Variants in MADD observed in about 807,000 individuals in gnomAD.
MADD encodes the protein MAP kinase-activating death domain protein.
MADD carries 109 observed loss-of-function variants against 176.7 expected under a neutral mutation model. That is an observed-to-expected ratio of 0.62 (90% CI 0.53 to 0.72). MADD has a LOEUF of 0.72. Ranked by LOEUF, MADD falls within the 30% of genes least tolerant of loss-of-function variation. The pLI is 0.00. For missense variants in MADD, 1,914 were observed against 2,045.5 expected, an observed-to-expected ratio of 0.94 and a Z score of 1.24; for synonymous variants, 771 against 771.3, an observed-to-expected ratio of 1.00 and a Z score of 0.01.
chr11:47,280,607 C>T (rs1232571081), intron 7 of MADD, among the ~76,000 whole-genome samples: 1 of 152,100 alleles, frequency 6.6e-6, no homozygotes, highest in Non-Finnish European at 1.5e-5. Context: ...CTCTGTCACC[C>T]AGGCTGGAGT....
chr11:47,324,245 ACT>A lies in MADD; in HGVS notation c.4363-16_4363-15del, dbSNP rs1167957397. 4 of 1,611,802 alleles carry A rather than the reference ACT, an allele frequency of 2.5e-6. No individual in the cohort carries two copies. The highest frequency in any genetic ancestry group is 1.7e-5 in the Admixed American group (1 of 59,878). On this transcript the variant is annotated intron_variant, in intron 28 of 32. Coordinates refer to ENST00000402192, the Ensembl canonical transcript of MADD. ...CCTGGACAGCCCTCATGATGGGACC[ACT>A]CTCCCCCTGTGCCACAGTGTCGGGA...
intron 3 of MADD, 60 bp downstream of exon 3, chr11:47,275,219 T>G: frequency 6.9e-7 from 1 of 1,451,602 alleles, no homozygotes; most frequent in Non-Finnish European, 9.4e-7. Flanking sequence ...GTAATTGGTC[T>G]TTGAGGGGCA....
exon 4 of MADD, chr11:47,276,173 G>A (rs1176448813): frequency 1.2e-6 from 2 of 1,612,566 alleles, no homozygotes; most frequent in African/African-American, 1.3e-5. Flanking sequence ...CTGTCTCCAG[G>A]TGCTAACCTG....
At chr11:47,284,510 G>C in exon 12 of MADD, 1 of 1,614,110 alleles carries the variant, frequency 6.2e-7, no homozygotes, top group South Asian at 1.1e-5. Flanking sequence ...CTGCGCTCCA[G>C]CTCTAGCACC....
chr11:47,307,923 C>A (rs1353933821), intron 22 of MADD, among the ~76,000 whole-genome samples: 2 of 152,344 alleles, frequency 1.3e-5, no homozygotes, highest in African/African-American at 4.8e-5. Context: ...ACCACCTTGG[C>A]CTCCCAAAGT....
At chr11:47,287,389 C>CT (rs1303863929) in intron 15 of MADD, among the ~76,000 whole-genome samples, 1 of 152,072 alleles carries the variant, frequency 6.6e-6, no homozygotes. Context: ...GTTTCAGGGG[C>CT]TTTTCTGAAT....
Position 47,326,524 on chromosome 11 carries a change from A to G in MADD, c.4543-214A>G, listed in dbSNP as rs2095472383. On this transcript the variant is annotated intron_variant, in intron 30 of 32. Transcript: ENST00000402192. Reference sequence around the variant, plus strand: ...AAACTAACGCCTTCATTTCTCTCCCATGCTTTCTCCTCCGGCCAGGAGCGG... The same window carrying G: ...AAACTAACGCCTTCATTTCTCTCCCGTGCTTTCTCCTCCGGCCAGGAGCGG... 3 of 1,369,840 alleles carry G rather than the reference A, an allele frequency of 2.2e-6. No individual in the cohort carries two copies. Among genetic ancestry groups the G allele is most frequent in the Non-Finnish European group, 2.8e-6 (3 of 1,062,656 alleles). The allele number at this position is 1,369,840 out of a possible 1,614,324, so 84.9% of individuals were successfully genotyped here.
At chr11:47,300,292 C>A (rs1243582627) in intron 22 of MADD, among the ~76,000 whole-genome samples, 1 of 149,992 alleles carries the variant, frequency 6.7e-6, no homozygotes, top group Non-Finnish European at 1.5e-5. Flanking sequence ...CTGCTACCCC[C>A]GCCTCCCGGG....
chr11:47,327,211 G>A lies in MADD; in HGVS notation c.4612+404G>A, dbSNP rs1387099469. On this transcript the variant is annotated intron_variant, in intron 31 of 32. Transcript: ENST00000402192. ...CAGTGCGCTAGCCAGCCTCCCTGGC[G>A]CCGCTCTGGTCTCCACCTGGCCTCT... The A allele has an allele frequency of 2.6e-5, 26 of 1,004,598 alleles. 1 individual carries two copies. The highest frequency in any genetic ancestry group is 1.0e-3 in the Middle Eastern group (2 of 2,000). The allele number at this position is 1,004,598 out of a possible 1,614,324, so 62.2% of individuals were successfully genotyped here. A position where few individuals can be genotyped will look rare whatever the true frequency, so the allele number is the denominator to read the frequency against.
chr11:47,328,630 G>T, intron 31 of MADD, 28 bp from the exon 36 acceptor site: 1 of 1,614,170 alleles, frequency 6.2e-7, no homozygotes, highest in Non-Finnish European at 8.5e-7. Flanking sequence ...TGAACTTTCT[G>T]TTTTGTCTCT....
At chr11:47,329,226 C>G in exon 33 of MADD, 1 of 1,109,372 alleles carries the variant, frequency 9.0e-7, no homozygotes, top group Non-Finnish European at 1.4e-6. Flanking sequence ...CACGATGCTG[C>G]TGTGACTGAG....
chr11:47,306,073 G>A (rs1391199641), intron 22 of MADD, among the ~76,000 whole-genome samples: 1 of 152,136 alleles, frequency 6.6e-6, no homozygotes, highest in African/African-American at 2.4e-5. Context: ...CCATTTCCTG[G>A]GATACAGATT....
At chr11:47,299,298 A>G (rs116587921) in intron 22 of MADD, among the ~76,000 whole-genome samples, 1 of 152,194 alleles carries the variant, frequency 6.6e-6, no homozygotes, top group Non-Finnish European at 1.5e-5. Context: ...ATCCATGAAC[A>G]TGGTATATCT....
At chr11:47,315,153 G>A in intron 26 of MADD, 67 bp from the exon 30 acceptor site, 4 of 889,190 alleles carry the variant, frequency 4.5e-6, no homozygotes, top group South Asian at 4.1e-5. Context: ...GCTGGATGGG[G>A]AATTCTTGGC....
intron 19 of MADD, among the ~76,000 whole-genome samples, chr11:47,291,282 C>T (rs1565389947): frequency 6.6e-6 from 1 of 152,216 alleles, no homozygotes; most frequent in Non-Finnish European, 1.5e-5. Context: ...CTGGCAACCC[C>T]ATTTCCCTGG....
intron 27 of MADD, 50 bp from the exon 31 acceptor site, chr11:47,323,621 A>G: frequency 2.5e-6 from 4 of 1,591,246 alleles, no homozygotes; most frequent in Non-Finnish European, 3.4e-6. Context: ...CAGTCTAGGG[A>G]GAGGCTGTCA....
chr11:47,278,681 C>T (rs905776612), intron 6 of MADD, among the ~76,000 whole-genome samples: 4 of 151,954 alleles, frequency 2.6e-5, no homozygotes, highest in African/African-American at 9.7e-5. Context: ...TGAATACATT[C>T]AGACTTTGGT....
intron 20 of MADD, among the ~76,000 whole-genome samples, chr11:47,294,352 AAAAAAAAAAAAT>A (rs1375149280): frequency 4.8e-5 from 3 of 62,196 alleles, no homozygotes; most frequent in Admixed American, 3.0e-4. Flanking sequence ...CCATCTCAAA[AAAAAAAAAAAAT>A]AAAAATAAAA....
At chr11:47,286,515 G>A (rs1312207990) in exon 15 of MADD, 12 of 1,613,550 alleles carry the variant, frequency 7.4e-6, no homozygotes, top group African/African-American at 1.3e-5. Context: ...AGAAGGCCAC[G>A]CCCTTCCCCA....
Sources: gnomAD v4.1 joint callset for allele counts (sites outside exome capture counted in the v4.1 genomes callset) on GRCh38, gnomAD v4.1.1 for gene constraint, MANE v1.5 for transcripts, NCBI Gene and HGNC (gene_info 2026-07-23, HGNC 2026-07-21) for gene names.